NMNAT2: variants seen among roughly 807,000 people sequenced by gnomAD.
NMNAT2 encodes the protein nicotinamide/nicotinic acid mononucleotide adenylyltransferase 2.
In NMNAT2, 11 loss-of-function variants were observed where a neutral mutation model predicts 41.6. The ratio of observed to expected loss-of-function variants is 0.26; its 90% CI spans 0.17 to 0.44. NMNAT2 has a LOEUF of 0.44. Ranked by LOEUF, NMNAT2 falls within the 20% of genes least tolerant of loss-of-function variation. NMNAT2 has a pLI of 1.00. For missense variants in NMNAT2, 288 were observed against 407.7 expected, an observed-to-expected ratio of 0.71 and a Z score of 2.53; for synonymous variants, 148 against 151.2, an observed-to-expected ratio of 0.98 and a Z score of 0.16.
At chr1:183,294,130 A>C (rs1289419491) in intron 1 of NMNAT2, among the ~76,000 whole-genome samples, 1 of 152,148 alleles carries the variant, frequency 6.6e-6, no homozygotes, top group African/African-American at 2.4e-5. Context: ...CCCTATTGTC[A>C]CTTGCAGGAG....
At chr1:183,306,281 A>G (rs1289232215) in intron 1 of NMNAT2, among the ~76,000 whole-genome samples, 4 of 152,206 alleles carry the variant, frequency 2.6e-5, no homozygotes, top group African/African-American at 4.8e-5. Flanking sequence ...TTATCTTAAC[A>G]TGGTAAAAGG....
intron 1 of NMNAT2, among the ~76,000 whole-genome samples, chr1:183,308,384 G>A (rs1247660108): frequency 1.3e-5 from 2 of 152,194 alleles, no homozygotes; most frequent in Non-Finnish European, 2.9e-5. Context: ...TTTTAGGAGG[G>A]CAATATGGCA....
chr1:183,303,467 T>C (rs1447916321), intron 1 of NMNAT2, among the ~76,000 whole-genome samples: 1 of 152,236 alleles, frequency 6.6e-6, no homozygotes, highest in Non-Finnish European at 1.5e-5. Context: ...TTCAGAGTCA[T>C]TAAGCAGTTT....
chr1:183,321,052 A>C (rs935246993), intron 1 of NMNAT2, among the ~76,000 whole-genome samples: 2 of 152,156 alleles, frequency 1.3e-5, no homozygotes, highest in African/African-American at 4.8e-5. Flanking sequence ...CTCCTCTATA[A>C]AATTGGTTTA....
At chr1:183,401,014 A>C (rs1648793771) in intron 1 of NMNAT2, among the ~76,000 whole-genome samples, 1 of 152,228 alleles carries the variant, frequency 6.6e-6, no homozygotes, top group East Asian at 1.9e-4. Flanking sequence ...GCAAGGACTT[A>C]ATGACTAAAA....
intron 8 of NMNAT2, among the ~76,000 whole-genome samples, chr1:183,277,852 T>A (rs1661161537): frequency 6.6e-6 from 1 of 152,118 alleles, no homozygotes; most frequent in South Asian, 2.1e-4. Context: ...AAGCACTACA[T>A]CTAGAATTGC....
intron 8 of NMNAT2, among the ~76,000 whole-genome samples, chr1:183,274,614 G>A (rs2102293669): frequency 6.6e-6 from 1 of 151,868 alleles, no homozygotes; most frequent in East Asian, 2.0e-4. Context: ...CGCCTGGCCT[G>A]AAGTCAATGC....
chr1:183,261,644 C>T (rs979076509), intron 8 of NMNAT2, among the ~76,000 whole-genome samples: 8 of 152,186 alleles, frequency 5.3e-5, no homozygotes, highest in South Asian at 4.1e-4. Context: ...AATGACATTG[C>T]GTCCTTACCT....
intron 5 of NMNAT2, among the ~76,000 whole-genome samples, chr1:183,285,243 C>A (rs1661372781): frequency 6.6e-6 from 1 of 152,168 alleles, no homozygotes; most frequent in Non-Finnish European, 1.5e-5. Context: ...GGCATATAGG[C>A]TGCTGGCTTC....
At chr1:183,372,667 A>G (rs894195933) in intron 1 of NMNAT2, among the ~76,000 whole-genome samples, 5 of 152,226 alleles carry the variant, frequency 3.3e-5, no homozygotes, top group Non-Finnish European at 5.9e-5. Context: ...CAAAACAGCA[A>G]AAATGCCCCC....
At chr1:183,282,590 T>C (rs940253796) in intron 7 of NMNAT2, among the ~76,000 whole-genome samples, 1 of 152,180 alleles carries the variant, frequency 6.6e-6, no homozygotes, top group African/African-American at 2.4e-5. Flanking sequence ...AAGGCTGAGC[T>C]CTGCTGGCCA....
At chr1:183,350,865 A>G (rs1663030464) in intron 1 of NMNAT2, among the ~76,000 whole-genome samples, 2 of 152,220 alleles carry the variant, frequency 1.3e-5, no homozygotes, top group South Asian at 4.1e-4. Flanking sequence ...ACCTAAGATC[A>G]CAAAGTTATT....
At chr1:183,335,310 A>T (rs1208720668) in intron 1 of NMNAT2, among the ~76,000 whole-genome samples, 1 of 152,150 alleles carries the variant, frequency 6.6e-6, no homozygotes, top group Admixed American at 6.5e-5. Context: ...TCTACTCTAT[A>T]CCTCTGCACA....
intron 1 of NMNAT2, among the ~76,000 whole-genome samples, chr1:183,398,942 G>A (rs975820426): frequency 6.6e-6 from 1 of 152,122 alleles, no homozygotes; most frequent in African/African-American, 2.4e-5. Context: ...AGCACTAAAT[G>A]CCCACAACAG....
intron 1 of NMNAT2, among the ~76,000 whole-genome samples, chr1:183,294,626 C>T (rs1386883301): frequency 1.3e-5 from 2 of 152,248 alleles, no homozygotes; most frequent in African/African-American, 4.8e-5. Flanking sequence ...CCCTTTTCTA[C>T]TAAAAATACA....
intron 1 of NMNAT2, among the ~76,000 whole-genome samples, chr1:183,320,356 A>G (rs1212021767): frequency 6.6e-6 from 1 of 152,170 alleles, no homozygotes; most frequent in Non-Finnish European, 1.5e-5. Context: ...TAATCCCAGC[A>G]CTTTGGGAGG....
At chr1:183,284,686 G>A (rs767577832) in intron 6 of NMNAT2, 24 bp downstream of exon 6, 1 of 1,593,844 alleles carries the variant, frequency 6.3e-7, no homozygotes, top group Admixed American at 1.7e-5. Context: ...ACAGGACTGG[G>A]AATCAAGTTC....
chr1:183,267,285 T>C (rs1335100489), intron 8 of NMNAT2: 1 of 151,830 alleles, frequency 6.6e-6, no homozygotes, highest in Non-Finnish European at 1.5e-5. Flanking sequence ...ATTCAGACTT[T>C]TAAGGGTGAC....
At chr1:183,304,041 T>G (rs1441856116) in intron 1 of NMNAT2, among the ~76,000 whole-genome samples, 2 of 152,250 alleles carry the variant, frequency 1.3e-5, no homozygotes, top group Non-Finnish European at 2.9e-5. Context: ...TTTATTCCAA[T>G]GCACTATGGA....
Sources: gnomAD v4.1 joint callset for allele counts (sites outside exome capture counted in the v4.1 genomes callset) on GRCh38, gnomAD v4.1.1 for gene constraint, MANE v1.5 for transcripts, NCBI Gene and HGNC (gene_info 2026-07-23, HGNC 2026-07-21) for gene names.